ABCC4: variants seen among roughly 807,000 people sequenced by gnomAD.
ABCC4 encodes the protein ATP binding cassette subfamily C member 4 (PEL blood group), also known as ATP-binding cassette sub-family C member 4.
Under a neutral mutation model 168.5 loss-of-function variants are expected in ABCC4, and 102 were observed. That is an observed-to-expected ratio of 0.61 (90% confidence interval 0.52 to 0.71). The LOEUF is 0.71. ABCC4 is among the 30% of genes least tolerant of loss of function. The probability of loss-of-function intolerance (pLI) is 0.00; values close to 1 mark genes in which losing one functional copy is unlikely to be tolerated. For synonymous variants in ABCC4, 617 were observed against 590.7 expected (o/e 1.04, Z -0.65); for missense variants, 1,402 against 1,605.8 (o/e 0.87, Z 2.17).
chr13:95,280,269 T>A (rs986938322), intron 1 of ABCC4, among the ~76,000 whole-genome samples: 2 of 151,528 alleles, frequency 1.3e-5, no homozygotes, highest in Non-Finnish European at 1.5e-5. Context: ...TACAAAAAAT[T>A]AACCAGGTGT....
rs368417688 is a variant in ABCC4, at chr13:95,265,918, G to A, written c.75-18165C>T. On this transcript the variant is annotated intron_variant, in intron 1 of 30. Coordinates refer to ENST00000645237, the MANE Select transcript of ABCC4 (RefSeq NM_005845.5). ...AAAATGGGGGGAAATAAGGGGCCAA[G>A]ATTACACAAAAGGTCGGGCTGTATC... 2.5e-3 allele frequency among the ~76,000 whole-genome samples: 383 copies of A among 152,302 alleles called. 3 individuals are homozygous for A. Among genetic ancestry groups the A allele is most frequent in the African/African-American group, 7.9e-3 (327 of 41,572 alleles).
At chr13:95,273,811 G>GGGTT (rs2040902016) in intron 1 of ABCC4, among the ~76,000 whole-genome samples, 1 of 114,432 alleles carries the variant, frequency 8.7e-6, no homozygotes, top group Non-Finnish European at 1.8e-5. Flanking sequence ...TTTTTTTTTT[G>GGGTT]GTTTGTTTTT....
chr13:95,277,578 CAA>C (rs5805920), intron 1 of ABCC4, among the ~76,000 whole-genome samples: 274 of 131,442 alleles, frequency 2.1e-3, no homozygotes, highest in Admixed American at 2.6e-3. Context: ...TGAGACTTCT[CAA>C]AAAAAAAAAA....
intron 19 of ABCC4, among the ~76,000 whole-genome samples, chr13:95,151,012 G>A (rs2036655954): frequency 6.6e-6 from 1 of 152,140 alleles, no homozygotes; most frequent in African/African-American, 2.4e-5. Flanking sequence ...ACCATTTTTG[G>A]AAATTTTATA....
At chr13:95,274,703 G>C (rs902974426) in intron 1 of ABCC4, among the ~76,000 whole-genome samples, 2 of 152,154 alleles carry the variant, frequency 1.3e-5, no homozygotes, top group African/African-American at 2.4e-5. Flanking sequence ...TCTAAGACCT[G>C]TGAGTATAAT....
chr13:95,147,609 T>C (rs2036542816), intron 19 of ABCC4, among the ~76,000 whole-genome samples: 1 of 152,210 alleles, frequency 6.6e-6, no homozygotes, highest in African/African-American at 2.4e-5. Flanking sequence ...TTGTCATTTT[T>C]CATGCTTTTT....
At chr13:95,298,298 T>C (rs1428123320) in intron 1 of ABCC4, among the ~76,000 whole-genome samples, 2 of 151,536 alleles carry the variant, frequency 1.3e-5, no homozygotes, top group Non-Finnish European at 2.9e-5. Flanking sequence ...AAAGACTCCG[T>C]CTCAAAAAAA....
rs774369738 is a variant in ABCC4, at chr13:95,073,324, G to A, written c.2918-20C>T. ...CCAGAGCTACGTAAGGAGGAAGAAG[G>A]GAATAAAGTCAGTCTCACTTCAAAC... On this transcript the variant is annotated intron_variant, in intron 23 of 30. Transcript: ENST00000645237. 5 of 1,597,240 alleles carry A rather than the reference G, an allele frequency of 3.1e-6. No individual in the cohort carries two copies. The highest frequency in any genetic ancestry group is 2.7e-5 in the African/African-American group (2 of 74,692).
intron 18 of ABCC4, 105 bp from the exon 19 acceptor site, chr13:95,161,440 T>C (rs1203651966): frequency 2.3e-6 from 2 of 869,862 alleles, no homozygotes; most frequent in Non-Finnish European, 3.3e-6. Context: ...CTTAATTTAT[T>C]CCATAAAGCA....
chr13:95,035,038 A>T (rs2032059339), intron 29 of ABCC4, among the ~76,000 whole-genome samples: 1 of 152,160 alleles, frequency 6.6e-6, no homozygotes, highest in Non-Finnish European at 1.5e-5. Context: ...GGTTCTTATC[A>T]TTACTTAGTG....
intron 13 of ABCC4, among the ~76,000 whole-genome samples, chr13:95,174,693 G>T (rs543987222): frequency 6.6e-6 from 1 of 152,120 alleles, no homozygotes; most frequent in Non-Finnish European, 1.5e-5. Flanking sequence ...TCTAAACAGC[G>T]TCCCACCGGG....
rs775132421 is a variant in ABCC4, at chr13:95,207,757, T to C, written c.911+43A>G. 4.4e-6 allele frequency: 7 copies of C among 1,583,390 alleles called. No individual in the cohort carries two copies. The Admixed American group carries it at 1.3e-4, about 29-fold the overall frequency. ...TAAAACCATCAACAAGAATAGCAAA[T>C]AGAAAAATACAAAAATATGGTACAA... On this transcript the variant is annotated intron_variant, in intron 7 of 30. Coordinates refer to ENST00000645237, the MANE Select transcript of ABCC4 (RefSeq NM_005845.5).
chr13:95,283,561 T>C (rs147995843), intron 1 of ABCC4, among the ~76,000 whole-genome samples: 10 of 152,136 alleles, frequency 6.6e-5, no homozygotes, highest in Non-Finnish European at 1.2e-4. Flanking sequence ...TAACTTTATA[T>C]TGCAGCCAGA....
intron 4 of ABCC4, among the ~76,000 whole-genome samples, chr13:95,231,417 C>T (rs9561811): frequency 0.18 from 26,743 of 152,060 alleles, 2,450 homozygotes; most frequent in Non-Finnish European, 0.19. Context: ...TCATTCAATA[C>T]CAAATGTCGA....
At chr13:95,060,540 G>T (rs2033247459) in intron 26 of ABCC4, among the ~76,000 whole-genome samples, 2 of 152,192 alleles carry the variant, frequency 1.3e-5, no homozygotes, top group Admixed American at 1.3e-4. Context: ...TCTCTGCTAA[G>T]TAAACCTCAT....
intron 1 of ABCC4, among the ~76,000 whole-genome samples, chr13:95,278,824 A>C (rs1414322421): frequency 2.0e-5 from 3 of 150,666 alleles, no homozygotes; most frequent in African/African-American, 4.9e-5. Flanking sequence ...AAAAAAAAAA[A>C]AAAAAAAAAC....
intron 19 of ABCC4, among the ~76,000 whole-genome samples, chr13:95,126,056 C>A (rs2035749855): frequency 6.6e-6 from 1 of 152,146 alleles, no homozygotes; most frequent in Non-Finnish European, 1.5e-5. Flanking sequence ...GATTCCTAAA[C>A]CAGGAACCAC....
At chr13:95,197,736 T>TAAAA (rs1450741671) in intron 8 of ABCC4, among the ~76,000 whole-genome samples, 24 of 152,150 alleles carry the variant, frequency 1.6e-4, no homozygotes, top group Non-Finnish European at 2.9e-4. Context: ...CAATAAAACC[T>TAAAA]CAGAGACACA....
chr13:95,264,492 C>T (rs770641121), intron 1 of ABCC4, among the ~76,000 whole-genome samples: 4 of 152,166 alleles, frequency 2.6e-5, no homozygotes, highest in African/African-American at 4.8e-5. Context: ...TGTGTGCCTC[C>T]GGATACAATG....
Sources: gnomAD v4.1 joint callset for allele counts (sites outside exome capture counted in the v4.1 genomes callset) on GRCh38, gnomAD v4.1.1 for gene constraint, MANE v1.5 for transcripts, NCBI Gene and HGNC (gene_info 2026-07-23, HGNC 2026-07-21) for gene names.